Variants in CAMK2D observed in about 807,000 individuals in gnomAD.
The protein encoded by CAMK2D is calcium/calmodulin-dependent protein kinase type II subunit delta.
Under a neutral mutation model 84.0 loss-of-function variants are expected in CAMK2D, and 37 were observed. That is an observed-to-expected ratio of 0.44 (90% CI 0.34 to 0.58). CAMK2D has a LOEUF of 0.58. Among genes scored for constraint, CAMK2D ranks in the 20% least tolerant of loss-of-function variants. The pLI, the probability that CAMK2D is intolerant of heterozygous loss-of-function variation, is 0.02. For missense variants in CAMK2D, 448 were observed against 652.5 expected, an observed-to-expected ratio of 0.69 and a Z score of 3.41; for synonymous variants, 202 against 212.5, an observed-to-expected ratio of 0.95 and a Z score of 0.43.
chr4:113,675,000 C>A (rs79423921), intron 2 of CAMK2D, among the ~76,000 whole-genome samples: 4,603 of 152,280 alleles, frequency 0.03, 107 homozygotes, highest in Non-Finnish European at 0.043. Context: ...TAGCTTCTTG[C>A]AGTAGAATTA....
At chr4:113,732,950 T>C (rs1027659684) in intron 2 of CAMK2D, among the ~76,000 whole-genome samples, 4 of 152,214 alleles carry the variant, frequency 2.6e-5, no homozygotes, top group Non-Finnish European at 5.9e-5. Flanking sequence ...TATTTCATAA[T>C]TTCCAAATGA....
intron 6 of CAMK2D, among the ~76,000 whole-genome samples, chr4:113,543,276 A>G (rs557154172): frequency 6.6e-6 from 1 of 152,172 alleles, no homozygotes; most frequent in East Asian, 1.9e-4. Flanking sequence ...TGTTACTGCA[A>G]CCTCACTTTG....
chr4:113,713,013 ACTCT>A (rs1275588882), intron 2 of CAMK2D, among the ~76,000 whole-genome samples: 1 of 151,790 alleles, frequency 6.6e-6, no homozygotes, highest in Non-Finnish European at 1.5e-5. Flanking sequence ...TTAATTACTC[ACTCT>A]AATTTCCAGA....
chr4:113,517,344 C>T (rs1174743017), intron 9 of CAMK2D, among the ~76,000 whole-genome samples: 1 of 152,154 alleles, frequency 6.6e-6, no homozygotes, highest in Non-Finnish European at 1.5e-5. Flanking sequence ...TCAGAGACTT[C>T]ACATGGCTTT....
intron 4 of CAMK2D, among the ~76,000 whole-genome samples, chr4:113,606,326 C>T (rs1039866098): frequency 6.6e-6 from 1 of 151,806 alleles, no homozygotes; most frequent in African/African-American, 2.4e-5. Context: ...AAAAAATTAG[C>T]CGGCATGGTG....
chr4:113,481,155 A>G (rs529513334), intron 16 of CAMK2D, among the ~76,000 whole-genome samples: 2 of 152,348 alleles, frequency 1.3e-5, no homozygotes, highest in East Asian at 3.9e-4. Flanking sequence ...AAACCTACAC[A>G]GAAAAAGTTG....
intron 4 of CAMK2D, among the ~76,000 whole-genome samples, chr4:113,593,888 T>TA (rs1247091559): frequency 1.3e-5 from 2 of 152,056 alleles, no homozygotes; most frequent in Non-Finnish European, 2.9e-5. Flanking sequence ...CCACTATTAT[T>TA]ATTGAAGGCT....
At chr4:113,749,264 C>G (rs894301851) in intron 2 of CAMK2D, among the ~76,000 whole-genome samples, 1 of 145,928 alleles carries the variant, frequency 6.9e-6, no homozygotes, top group Non-Finnish European at 1.5e-5. Context: ...AACCCCGCCC[C>G]CCCCACCCAG....
intron 3 of CAMK2D, among the ~76,000 whole-genome samples, chr4:113,622,636 T>G (rs776386026): frequency 6.6e-6 from 1 of 152,158 alleles, no homozygotes; most frequent in Non-Finnish European, 1.5e-5. Flanking sequence ...TGGTGTTGCA[T>G]GCCTTTGGTT....
At chr4:113,502,534 C>T (rs2098066722) in intron 15 of CAMK2D, among the ~76,000 whole-genome samples, 1 of 147,092 alleles carries the variant, frequency 6.8e-6, no homozygotes, top group African/African-American at 2.5e-5. Flanking sequence ...AAAAAAAAAC[C>T]TATAAAGTCA....
intron 2 of CAMK2D, among the ~76,000 whole-genome samples, chr4:113,684,965 G>A (rs1025433441): frequency 6.6e-6 from 1 of 152,164 alleles, no homozygotes; most frequent in African/African-American, 2.4e-5. Context: ...ATCTCTCCCT[G>A]GAAAGAGCTG....
At chr4:113,688,863 C>T (rs953513310) in intron 2 of CAMK2D, among the ~76,000 whole-genome samples, 74 of 129,654 alleles carry the variant, frequency 5.7e-4, no homozygotes, top group Admixed American at 1.3e-3. Context: ...CCCAAAATGA[C>T]CATTGAAGAA....
chr4:113,497,866 C>T (rs1049855791), intron 16 of CAMK2D, among the ~76,000 whole-genome samples: 5 of 152,272 alleles, frequency 3.3e-5, no homozygotes, highest in Non-Finnish European at 5.9e-5. Flanking sequence ...AGCAAGTGCT[C>T]GCATGCAGAA....
At chr4:113,731,850 C>G (rs1037095076) in intron 2 of CAMK2D, among the ~76,000 whole-genome samples, 2 of 152,136 alleles carry the variant, frequency 1.3e-5, no homozygotes, top group African/African-American at 4.8e-5. Context: ...TTCCAAAGTG[C>G]TGGGATTACA....
rs1312578253 is a variant in CAMK2D at position 113,489,639 on chromosome 4, T to G, written c.1135+10824A>C. Among the ~76,000 whole-genome samples the G allele has an allele frequency of 5.9e-3, 885 of 149,640 alleles. 5 individuals carry two copies. Among genetic ancestry groups the G allele is most frequent in the African/African-American group, 0.021 (850 of 40,410 alleles). On this transcript the variant is annotated intron_variant, in intron 16 of 20. Transcript: ENST00000511664. ...GTCTTTATAGCAGCATGATTTATAG[T>G]CCTTTGGGTATACACCCAGTAATGG...
intron 11 of CAMK2D, 26 bp downstream of exon 11, chr4:113,513,804 C>T (rs1345993306): frequency 9.5e-7 from 1 of 1,056,610 alleles, no homozygotes; most frequent in Non-Finnish European, 1.5e-6. Context: ...AAATCTACCT[C>T]CCCATAAAAA....
chr4:113,641,840 T>C lies in CAMK2D; in HGVS notation c.220+19873A>G, dbSNP rs920184881. On this transcript the variant is annotated intron_variant, in intron 3 of 20. Transcript: ENST00000511664. ...CTGACCAACATGGAGAAACCCCGTG[T>C]CTCTACCAAAAATACAAAATTAGCC... Among the ~76,000 whole-genome samples, 15 of 151,680 alleles carry C rather than the reference T, an allele frequency of 9.9e-5. 1 individual carries two copies. In the East Asian group the frequency reaches 2.7e-3, roughly 27 times the overall value.
chr4:113,626,726 T>C (rs1463894144), intron 3 of CAMK2D, among the ~76,000 whole-genome samples: 3 of 152,138 alleles, frequency 2.0e-5, no homozygotes, highest in Non-Finnish European at 4.4e-5. Flanking sequence ...AATAGAAGGG[T>C]TCAGTTAGAT....
intron 2 of CAMK2D, among the ~76,000 whole-genome samples, chr4:113,703,489 C>A: frequency 6.6e-6 from 1 of 152,102 alleles, no homozygotes; most frequent in Non-Finnish European, 1.5e-5. Flanking sequence ...CTATGCCCAA[C>A]TGACTTTTTT....
Sources: allele counts gnomAD v4.1 joint callset (sites outside exome capture counted in the v4.1 genomes callset), GRCh38; gene constraint gnomAD v4.1.1; transcripts MANE v1.5; gene names NCBI Gene and HGNC (gene_info 2026-07-23, HGNC 2026-07-21).